TMEM63A: variants seen among roughly 807,000 people sequenced by gnomAD.
TMEM63A encodes the protein transmembrane protein 63A.
In TMEM63A, 76 loss-of-function variants were observed where a neutral mutation model predicts 100.6. That is an observed-to-expected ratio of 0.76 (90% confidence interval 0.63 to 0.91). TMEM63A has a LOEUF of 0.91. Among genes scored for constraint, TMEM63A ranks in the 40% least tolerant of loss-of-function variants. The pLI is 0.00. For missense variants in TMEM63A, 876 were observed against 1,008.8 expected (o/e 0.87, Z 1.78); for synonymous variants, 401 against 401.1 (o/e 1.00, Z 0.00).
intron 18 of TMEM63A, 86 bp downstream of exon 18, chr1:225,855,792 G>A (rs747581530): frequency 3.1e-5 from 43 of 1,377,050 alleles, no homozygotes; most frequent in Non-Finnish European, 2.7e-5. Context: ...GGCTACGACC[G>A]CCCCCACCCA....
At position 225,848,888 on chromosome 1, in the gene TMEM63A, G is replaced by A. The variant is rs778346409; in HGVS notation, c.2187+9C>T. ...GGCTTGACCGGGCAGTGGGGTCGGG[G>A]GCCTTTACTTTGTAGTTCAGAGGGC... On this transcript the variant is annotated intron_variant, in intron 22 of 24. Transcript: ENST00000366835. 87 of 1,572,472 alleles carry A rather than the reference G, an allele frequency of 5.5e-5. No individual in the cohort carries two copies. The highest frequency in any genetic ancestry group is 7.1e-5 in the Non-Finnish European group (82 of 1,158,244).
In TMEM63A at chr1:225,862,944, G is replaced by T; in HGVS notation, c.747-93C>A. The T allele has an allele frequency of 8.3e-7, 1 of 1,201,424 alleles. No individual in the cohort carries two copies. The highest frequency in any genetic ancestry group is 1.2e-6 in the Non-Finnish European group (1 of 826,666). 74.4% of individuals were successfully genotyped at this position (1,201,424 alleles called of 1,614,324 possible). On this transcript the variant is annotated intron_variant, in intron 10 of 24. Transcript: ENST00000366835. The surrounding 1 kb of genome is among the most constrained non-coding windows in gnomAD (Gnocchi z 5.1). Reference sequence around the variant, plus strand: ...GCCCACGGATCCAAGGGAAAGGATGGCAGAGTGATCTCGCTGCTGGTTTCT... The same window carrying T: ...GCCCACGGATCCAAGGGAAAGGATGTCAGAGTGATCTCGCTGCTGGTTTCT...
intron 15 of TMEM63A, among the ~76,000 whole-genome samples, chr1:225,857,379 C>CA (rs1669678234): frequency 8.9e-6 from 1 of 112,716 alleles, no homozygotes; most frequent in Admixed American, 8.6e-5. Flanking sequence ...TCCTGGCCGG[C>CA]GGGGCGGGGG....
intron 15 of TMEM63A, 80 bp from the exon 16 acceptor site, chr1:225,857,097 T>C: frequency 4.1e-6 from 5 of 1,213,498 alleles, no homozygotes; most frequent in Non-Finnish European, 4.5e-6. Context: ...ATTGGTATGG[T>C]CGCTCAGTGG....
intron 5 of TMEM63A, 41 bp from the exon 6 acceptor site, chr1:225,871,154 G>T: frequency 6.2e-7 from 1 of 1,601,072 alleles, no homozygotes; most frequent in African/African-American, 1.3e-5. Flanking sequence ...CAACATTTGT[G>T]TCTTTGAGAG....
intron 3 of TMEM63A, among the ~76,000 whole-genome samples, chr1:225,875,227 TAAGCTGGGACACCTCAGC>T (rs1670720306): frequency 6.6e-6 from 1 of 152,138 alleles, no homozygotes; most frequent in Admixed American, 6.5e-5. Flanking sequence ...TTGGCCTCCG[TAAGCTGGGACACCTCAGC>T]AAGCTTGTGT....
chr1:225,862,439 G>T lies in TMEM63A; in HGVS notation c.951+16C>A. 6.2e-7 allele frequency: 1 copy of T among 1,613,960 alleles called. No homozygotes were observed. Among genetic ancestry groups the T allele is most frequent in the Non-Finnish European group, 8.5e-7 (1 of 1,179,858 alleles). On this transcript the variant is annotated intron_variant, in intron 12 of 24. Coordinates refer to ENST00000366835, the MANE Select transcript of TMEM63A (RefSeq NM_014698.3). This position sits in a 1 kb window ranked among gnomAD's most constrained non-coding sequence, Gnocchi z 5.1. ...TGCCAATGCCTCTGCTCCCAGCCGG[G>T]GGGTGGGACCCTTACCCACTCACAG...
intron 22 of TMEM63A, 53 bp downstream of exon 22, chr1:225,848,844 C>T (rs1461693696): frequency 7.1e-7 from 1 of 1,412,118 alleles, no homozygotes; most frequent in Non-Finnish European, 9.8e-7. Flanking sequence ...GAGCCCGTCC[C>T]ACCATCTGTT....
intron 3 of TMEM63A, among the ~76,000 whole-genome samples, chr1:225,876,125 G>T (rs1670791327): frequency 7.1e-6 from 1 of 140,386 alleles, no homozygotes; most frequent in South Asian, 2.3e-4. Flanking sequence ...GCACAATAGA[G>T]GGTGACTCTC....
rs779154435 is a variant in TMEM63A at position 225,865,974 on chromosome 1, G to A, written c.676-7C>T. 1.2e-5 allele frequency: 19 copies of A among 1,613,456 alleles called. No individual in the cohort carries two copies. Among genetic ancestry groups the A allele is most frequent in the Admixed American group, 1.2e-4 (7 of 59,944 alleles). ...TGAACAGGGTCCGCCTCACCTGTCC[G>A]GGAAATACAGCAGGGAGAGAAGTCA... On this transcript the variant is annotated splice_region_variant and splice_polypyrimidine_tract_variant and intron_variant, in intron 9 of 24. Transcript: ENST00000366835. This position sits in a 1 kb window ranked among gnomAD's most constrained non-coding sequence, Gnocchi z 4.6.
In TMEM63A at chr1:225,862,002, C is replaced by A. The variant is rs1238476890; in HGVS notation, c.1085+216G>T. 1 of 705,854 alleles carries A rather than the reference C, an allele frequency of 1.4e-6. No homozygotes were observed. The highest frequency in any genetic ancestry group is 2.3e-6 in the Non-Finnish European group (1 of 436,154). The allele number at this position is 705,854 out of a possible 1,614,324, so 43.7% of individuals were successfully genotyped here. ...GGGGGTCAGCCAGAATCACCCACTC[C>A]GTGGCTGCTGCCCACACCCCCACCG... On this transcript the variant is annotated intron_variant, in intron 13 of 24. Transcript: ENST00000366835. This position sits in a 1 kb window ranked among gnomAD's most constrained non-coding sequence, Gnocchi z 5.1.
At chr1:225,870,021 GACA>G (rs761693614) in intron 6 of TMEM63A, among the ~76,000 whole-genome samples, 2 of 152,132 alleles carry the variant, frequency 1.3e-5, no homozygotes, top group East Asian at 1.9e-4. Context: ...TAGCTTAGCT[GACA>G]ACATTTTCTT....
chr1:225,859,649 G>GCTTTTTT (rs746371875), intron 14 of TMEM63A: 3 of 268,814 alleles, frequency 1.1e-5, no homozygotes, highest in African/African-American at 4.8e-5. Flanking sequence ...TTCTTTTTCT[G>GCTTTTTT]TTTTTTTTTT....
chr1:225,870,470 C>T (rs1045553464), intron 6 of TMEM63A, among the ~76,000 whole-genome samples: 1 of 150,552 alleles, frequency 6.6e-6, no homozygotes, highest in Non-Finnish European at 1.5e-5. Context: ...TGGCTCCCTA[C>T]ACCACATGAG....
At position 225,865,559 on chromosome 1, in the gene TMEM63A, C is replaced by G. The variant is rs1296987674; in HGVS notation, c.746+338G>C. ...CTCAGCTCACGTCTCTCTTATTCTG[C>G]AAAGGTGATGCTAAGAACCCCGGGG... On this transcript the variant is annotated intron_variant, in intron 10 of 24. Transcript: ENST00000366835. The surrounding 1 kb of genome is among the most constrained non-coding windows in gnomAD (Gnocchi z 4.6). 2.4e-5 allele frequency: 6 copies of G among 249,378 alleles called. No individual in the cohort carries two copies. The highest frequency in any genetic ancestry group is 1.3e-4 in the African/African-American group (6 of 46,146). 15.4% of individuals were successfully genotyped at this position (249,378 alleles called of 1,614,324 possible). A position where few individuals can be genotyped will look rare whatever the true frequency, so the allele number is the denominator to read the frequency against.
chr1:225,847,221 C>T lies in TMEM63A; in HGVS notation c.2251-8G>A, dbSNP rs1669054603. 6.2e-7 allele frequency: 1 copy of T among 1,611,694 alleles called. No homozygotes were observed. Among genetic ancestry groups the T allele is most frequent in the Non-Finnish European group, 8.5e-7 (1 of 1,178,880 alleles). On this transcript the variant is annotated splice_region_variant and splice_polypyrimidine_tract_variant and intron_variant, in intron 23 of 24. Coordinates refer to ENST00000366835, the MANE Select transcript of TMEM63A (RefSeq NM_014698.3). ...AATCCGAGGCACGTAGGGCTGTCAG[C>T]AAATGGATTTGTGCTTGGCCTGGAC...
Position 225,853,643 on chromosome 1 carries a change from T to C in TMEM63A, c.1783A>G (p.Arg595Gly). ...GGGGATGGCACCTGCTTGACATTCC[T>C]GCGGTCAGCAGCCGTCTTGGCCATG... The part of the protein sequence containing the change: ...MIMAKTAADR[R>G]NVKQNQAFQY... The change falls in exon 19 of 25, where the codon AGG becomes GGG. Residue 595 changes from arginine to glycine, a missense_variant. Arg to Gly is a moderately radical substitution (Grantham distance 125). Transcript: ENST00000366835. The surrounding 1 kb of genome is among the most constrained non-coding windows in gnomAD (Gnocchi z 4.0). 6.4e-7 allele frequency: 1 copy of C among 1,568,276 alleles called. No homozygotes were observed. The highest frequency in any genetic ancestry group is 8.6e-7 in the Non-Finnish European group (1 of 1,156,362).
rs751324454 is a variant in TMEM63A, at chr1:225,860,889, GGTGACT to G, written c.1188_1193del (p.Val397_Thr398del). On this transcript the variant is annotated inframe_deletion, in exon 14 of 25. Transcript: ENST00000366835. ...AGATGTCCTCAGGGTCAGCAGCAAA[GGTGACT>G]GTCCACTTGGAGGTATAGAGCTCCC... 2 of 1,611,942 alleles carry G rather than the reference GGTGACT, an allele frequency of 1.2e-6. No homozygotes were observed. Among genetic ancestry groups the G allele is most frequent in the Non-Finnish European group, 1.7e-6 (2 of 1,179,052 alleles).
intron 1 of TMEM63A, among the ~76,000 whole-genome samples, chr1:225,879,952 G>T (rs1457334796): frequency 7.3e-5 from 11 of 151,716 alleles, no homozygotes; most frequent in African/African-American, 2.2e-4. Flanking sequence ...AGGGTGCTGT[G>T]GTGGTGCTGG....
Sources: allele counts gnomAD v4.1 joint callset (sites outside exome capture counted in the v4.1 genomes callset), GRCh38; gene constraint gnomAD v4.1.1; non-coding constraint Gnocchi (gnomAD v3.1); transcripts MANE v1.5; gene names NCBI Gene and HGNC (gene_info 2026-07-23, HGNC 2026-07-21).